CPED1: variants seen among roughly 807,000 people sequenced by gnomAD.
CPED1 encodes cadherin-like and PC-esterase domain-containing protein 1.
In CPED1, 114 loss-of-function variants were observed where a neutral mutation model predicts 128.2. The ratio of observed to expected loss-of-function variants is 0.89; its 90% CI spans 0.76 to 1.04. The LOEUF (loss-of-function observed/expected upper bound fraction) is 1.04, where lower values mean the gene tolerates loss of function less well. Ranked by LOEUF, CPED1 falls within the 50% of genes least tolerant of loss-of-function variation. The pLI is 0.00. For missense variants in CPED1, 1,211 were observed against 1,207.1 expected, an observed-to-expected ratio of 1.00 and a Z score of -0.05; for synonymous variants, 462 against 426.7, an observed-to-expected ratio of 1.08 and a Z score of -1.02.
Position 121,046,975 on chromosome 7 carries a change from G to T in CPED1, c.522G>T (p.Gln174His). ...GTATATCCAAGGAAGTCATGTGCCA[G>T]TTAGGTTTACATCAAAAGGTAAATA... ...TPCISKEVMC[Q>H]LGLHQKANRL... is the part of the protein sequence containing the mutation. Residue 174 changes from glutamine (Q) to histidine (H), a missense_variant, in exon 4 of 23, where the codon CAG (glutamine) becomes CAT (histidine). Physicochemically the swap from Gln to His is conservative, Grantham distance 24. Transcript: ENST00000310396. The T allele has an allele frequency of 6.2e-7, 1 of 1,611,200 alleles. No homozygotes were observed. Among genetic ancestry groups the T allele is most frequent in the Non-Finnish European group, 8.5e-7 (1 of 1,177,764 alleles).
At chr7:121,093,124 C>T (rs146034494) in intron 5 of CPED1, among the ~76,000 whole-genome samples, 209 of 152,162 alleles carry the variant, frequency 1.4e-3, no homozygotes, top group African/African-American at 4.6e-3. Context: ...TTCAAGGTCC[C>T]CTTTTTGCCA....
At chr7:121,256,918 A>G (rs963928423) in intron 18 of CPED1, among the ~76,000 whole-genome samples, 2 of 152,082 alleles carry the variant, frequency 1.3e-5, no homozygotes, top group East Asian at 3.9e-4. Context: ...CATCCTTTGC[A>G]GAAACATGAA....
At chr7:121,026,562 A>G (rs867084955) in intron 3 of CPED1, among the ~76,000 whole-genome samples, 21 of 152,188 alleles carry the variant, frequency 1.4e-4, no homozygotes, top group Middle Eastern at 6.8e-3. Flanking sequence ...GCACATTCCA[A>G]TTACTTAAGG....
At chr7:121,108,210 T>C (rs117374763) in intron 7 of CPED1, among the ~76,000 whole-genome samples, 2,227 of 152,166 alleles carry the variant, frequency 0.015, 32 homozygotes, top group Non-Finnish European at 0.023. Context: ...TTTTCCCCCA[T>C]TGGATTAAAC....
At chr7:121,285,976 AC>A (rs1482863178) in intron 22 of CPED1, among the ~76,000 whole-genome samples, 1 of 152,176 alleles carries the variant, frequency 6.6e-6, no homozygotes, top group Non-Finnish European at 1.5e-5. Flanking sequence ...GTGAGGACAT[AC>A]CTGAGACTGG....
chr7:121,219,094 A>G (rs1340093748), intron 16 of CPED1, among the ~76,000 whole-genome samples: 1 of 152,074 alleles, frequency 6.6e-6, no homozygotes, highest in Non-Finnish European at 1.5e-5. Flanking sequence ...TCACAAGTCA[A>G]AAAGAACTGA....
At chr7:121,001,313 A>G (rs1218766941) in intron 2 of CPED1, among the ~76,000 whole-genome samples, 1 of 152,150 alleles carries the variant, frequency 6.6e-6, no homozygotes, top group African/African-American at 2.4e-5. Flanking sequence ...TTAAACATAA[A>G]TTATTCATAA....
chr7:121,203,389 C>A (rs1797445510), intron 16 of CPED1, among the ~76,000 whole-genome samples: 1 of 152,124 alleles, frequency 6.6e-6, no homozygotes, highest in African/African-American at 2.4e-5. Context: ...ACATACAAAT[C>A]ACCCCCATGT....
chr7:121,256,111 C>CAAAAAAAAAAAAAAA (rs1286167648), intron 18 of CPED1, among the ~76,000 whole-genome samples: 14 of 34,146 alleles, frequency 4.1e-4, no homozygotes, highest in African/African-American at 1.3e-3. Context: ...CAATCCTAAG[C>CAAAAAAAAAAAAAAA]AAAAAAAAAA....
intron 16 of CPED1, among the ~76,000 whole-genome samples, chr7:121,168,162 G>C (rs999416497): frequency 2.0e-5 from 3 of 152,174 alleles, no homozygotes; most frequent in African/African-American, 4.8e-5. Context: ...ATAGCGGGAG[G>C]CTCTCTTACT....
In CPED1 at chr7:121,296,912, C is replaced by G. The variant is rs555756722; in HGVS notation, c.*1260C>G. On this transcript the variant is annotated 3_prime_UTR_variant, in exon 23 of 23. Coordinates refer to ENST00000310396, the MANE Select transcript of CPED1 (RefSeq NM_024913.5). Reference sequence around the variant, plus strand: ...CTGAAATTACCAAATGTATAAATACCTCATTTTCACTACCATACAAGAAAA... The same window carrying G: ...CTGAAATTACCAAATGTATAAATACGTCATTTTCACTACCATACAAGAAAA... 4 of 152,144 alleles carry G rather than the reference C, an allele frequency of 2.6e-5. No homozygotes were observed. Among genetic ancestry groups the G allele is most frequent in the Non-Finnish European group, 4.4e-5 (3 of 67,890 alleles). 9.4% of individuals were successfully genotyped at this position (152,144 alleles called of 1,614,324 possible).
At chr7:121,218,533 A>G (rs986051240) in intron 16 of CPED1, among the ~76,000 whole-genome samples, 3 of 152,018 alleles carry the variant, frequency 2.0e-5, no homozygotes, top group Non-Finnish European at 4.4e-5. Context: ...GGAGTGATCA[A>G]TATCTCCTGG....
intron 22 of CPED1, among the ~76,000 whole-genome samples, chr7:121,282,830 A>G (rs565431217): frequency 3.4e-4 from 52 of 152,190 alleles, no homozygotes; most frequent in Non-Finnish European, 7.1e-4. Flanking sequence ...TACTTCAAGT[A>G]TCTTAGTCAT....
Position 121,022,169 on chromosome 7 carries a change from C to T in CPED1, c.433+6321C>T, listed in dbSNP as rs183635095. Among the ~76,000 whole-genome samples, 7 of 151,892 alleles carry T rather than the reference C, an allele frequency of 4.6e-5. No homozygotes were observed. The East Asian group carries it at 1.4e-3, about 29-fold the overall frequency. On this transcript the variant is annotated intron_variant, in intron 3 of 22. Coordinates refer to ENST00000310396, the MANE Select transcript of CPED1 (RefSeq NM_024913.5). ...GATAAATATTTATTAAATACATGAA[C>T]AAAGGAAGATAAAATAGTACATCAA...
chr7:121,013,124 C>A (rs1047904170), intron 2 of CPED1, among the ~76,000 whole-genome samples: 2 of 152,170 alleles, frequency 1.3e-5, no homozygotes, highest in Non-Finnish European at 2.9e-5. Context: ...CTGTCTTCCC[C>A]TTTCACCTAG....
rs1440710149 is a variant in CPED1 at position 121,073,178 on chromosome 7, A to G, written c.616+8865A>G. ...ACTTTGTATGCTGTATGTATTATATACTGTATTTTTATAATAAAATAAGCT... is the reference window on the plus strand; with the variant it reads ...ACTTTGTATGCTGTATGTATTATATGCTGTATTTTTATAATAAAATAAGCT... On this transcript the variant is annotated intron_variant, in intron 5 of 22. Transcript: ENST00000310396. Among the ~76,000 whole-genome samples the G allele has an allele frequency of 2.0e-5, 3 of 152,336 alleles. No individual in the cohort carries two copies. The South Asian group carries it at 6.2e-4, about 32-fold the overall frequency.
intron 2 of CPED1, among the ~76,000 whole-genome samples, chr7:121,007,623 C>T (rs541715050): frequency 1.0e-3 from 155 of 152,198 alleles, no homozygotes; most frequent in African/African-American, 3.6e-3. Context: ...TTCTTTTGTG[C>T]CTTCTTCCCT....
At chr7:121,231,575 G>A (rs1798140678) in intron 16 of CPED1, among the ~76,000 whole-genome samples, 1 of 152,128 alleles carries the variant, frequency 6.6e-6, no homozygotes. Context: ...TTACATTTGT[G>A]TGATTTTTGC....
chr7:121,132,752 G>A (rs1393970995), intron 12 of CPED1, among the ~76,000 whole-genome samples: 1 of 152,050 alleles, frequency 6.6e-6, no homozygotes, highest in Non-Finnish European at 1.5e-5. Context: ...ACTGCAAGAT[G>A]CCTTTACATA....
Sources: gnomAD v4.1 joint callset for allele counts (sites outside exome capture counted in the v4.1 genomes callset) on GRCh38, gnomAD v4.1.1 for gene constraint, MANE v1.5 for transcripts, NCBI Gene and HGNC (gene_info 2026-07-23, HGNC 2026-07-21) for gene names.